RABGAP1L: variants seen among roughly 807,000 people sequenced by gnomAD.
RABGAP1L encodes the protein RAB GTPase activating protein 1 like, also known as rab GTPase-activating protein 1-like.
RABGAP1L carries 63 observed loss-of-function variants against 137.7 expected under a neutral mutation model. That is an observed-to-expected ratio of 0.46 (90% CI 0.37 to 0.56). The LOEUF (loss-of-function observed/expected upper bound fraction) is 0.56, where lower values mean the gene tolerates loss of function less well. Ranked by LOEUF, RABGAP1L falls within the 20% of genes least tolerant of loss-of-function variation. RABGAP1L has a pLI of 0.00. For synonymous variants in RABGAP1L, 431 were observed against 433.7 expected, an observed-to-expected ratio of 0.99 and a Z score of 0.08; for missense variants, 1,095 against 1,244.0, an observed-to-expected ratio of 0.88 and a Z score of 1.80.
rs974726764 is a variant in RABGAP1L at position 174,821,850 on chromosome 1, T to C, written c.2340+9890T>C. On this transcript the variant is annotated intron_variant, in intron 19 of 25. Transcript: ENST00000681986. ...CTTTTGATTAAAACACATCTTGTGTTCCTTTTCTATAAAGACCTCTATATG... is the reference window on the plus strand; with the variant it reads ...CTTTTGATTAAAACACATCTTGTGTCCCTTTTCTATAAAGACCTCTATATG... Among the ~76,000 whole-genome samples, 8 of 152,270 alleles carry C rather than the reference T, an allele frequency of 5.3e-5. No individual in the cohort carries two copies. In the South Asian group the frequency reaches 1.4e-3, roughly 28 times the overall value.
chr1:174,186,904 A>C (rs1666846665), intron 1 of RABGAP1L, among the ~76,000 whole-genome samples: 2 of 152,152 alleles, frequency 1.3e-5, no homozygotes, highest in African/African-American at 4.8e-5. Flanking sequence ...ATAATGCTTC[A>C]TTGTAGATTT....
intron 13 of RABGAP1L, among the ~76,000 whole-genome samples, chr1:174,590,098 C>T (rs1390657139): frequency 4.7e-5 from 6 of 126,732 alleles, no homozygotes; most frequent in Non-Finnish European, 1.0e-4. Flanking sequence ...GAATATCTTT[C>T]CATTTTTTGT....
chr1:174,597,455 T>C (rs1482045124), intron 13 of RABGAP1L, among the ~76,000 whole-genome samples: 1 of 152,180 alleles, frequency 6.6e-6, no homozygotes, highest in African/African-American at 2.4e-5. Flanking sequence ...GTTATATGTG[T>C]CTAGGAATTT....
At chr1:174,377,727 G>C (rs977982166) in intron 12 of RABGAP1L, among the ~76,000 whole-genome samples, 2 of 149,530 alleles carry the variant, frequency 1.3e-5, no homozygotes, top group Non-Finnish European at 3.0e-5. Flanking sequence ...AGAATGTGGA[G>C]ACATTGAAAG....
intron 1 of RABGAP1L, among the ~76,000 whole-genome samples, chr1:174,190,499 C>G: frequency 6.6e-6 from 1 of 152,160 alleles, no homozygotes; most frequent in East Asian, 1.9e-4. Flanking sequence ...TAGTTTCATA[C>G]TTTTCTTCTG....
At chr1:174,633,448 G>C (rs1017042334) in intron 13 of RABGAP1L, among the ~76,000 whole-genome samples, 2 of 151,314 alleles carry the variant, frequency 1.3e-5, no homozygotes, top group African/African-American at 4.9e-5. Context: ...CGTGAAAATG[G>C]CCATACTGCC....
At chr1:174,239,707 A>T (rs1471133912) in intron 4 of RABGAP1L, among the ~76,000 whole-genome samples, 1 of 152,186 alleles carries the variant, frequency 6.6e-6, no homozygotes, top group Non-Finnish European at 1.5e-5. Context: ...TTCAGTGGCT[A>T]GGGAAGTAAG....
rs548921287 is a variant in RABGAP1L, at chr1:174,185,963, G to T, written c.-34+26306G>T. Among the ~76,000 whole-genome samples the T allele has an allele frequency of 2.2e-4, 33 of 152,186 alleles. No homozygotes were observed. The South Asian group carries it at 2.7e-3, about 12-fold the overall frequency. On this transcript the variant is annotated intron_variant, in intron 1 of 25. Coordinates refer to ENST00000681986, the MANE Select transcript of RABGAP1L (RefSeq NM_001366446.1). ...GTTCGCGACCAGCCTGACCAACATG[G>T]AGAAACCCCGTCTTTACTAAAAATA... is the stretch of plus-strand genomic sequence containing the variant.
chr1:174,167,034 A>G (rs780657310), intron 1 of RABGAP1L, among the ~76,000 whole-genome samples: 4 of 152,210 alleles, frequency 2.6e-5, no homozygotes, highest in African/African-American at 7.2e-5. Flanking sequence ...TAAGCTCCTA[A>G]TATGTAAATG....
intron 13 of RABGAP1L, among the ~76,000 whole-genome samples, chr1:174,478,807 A>T (rs942714837): frequency 6.6e-6 from 1 of 152,152 alleles, no homozygotes; most frequent in African/African-American, 2.4e-5. Context: ...TGTCTTCTCA[A>T]TTGTATTCTG....
intron 14 of RABGAP1L, among the ~76,000 whole-genome samples, chr1:174,664,487 A>G (rs1676602112): frequency 6.6e-6 from 1 of 152,168 alleles, no homozygotes; most frequent in Non-Finnish European, 1.5e-5. Flanking sequence ...TAATTTTCAA[A>G]ATATTTTAAC....
At chr1:174,193,850 GATATAC>G (rs1426557888) in intron 1 of RABGAP1L, among the ~76,000 whole-genome samples, 9 of 152,132 alleles carry the variant, frequency 5.9e-5, no homozygotes, top group African/African-American at 9.7e-5. Flanking sequence ...ATGATATTTT[GATATAC>G]ATATACATAG....
chr1:174,354,234 G>A (rs949726572), intron 11 of RABGAP1L, among the ~76,000 whole-genome samples: 33 of 149,690 alleles, frequency 2.2e-4, no homozygotes, highest in Admixed American at 1.9e-3. Flanking sequence ...CCACCACTTT[G>A]CTTCTTTTTT....
intron 1 of RABGAP1L, among the ~76,000 whole-genome samples, chr1:174,218,073 ACATTACT>A (rs1183823863): frequency 6.6e-6 from 1 of 152,054 alleles, no homozygotes; most frequent in Non-Finnish European, 1.5e-5. Flanking sequence ...CCCCTCTATC[ACATTACT>A]CATTTGGTCA....
At chr1:174,837,942 T>C (rs1456133788) in intron 19 of RABGAP1L, among the ~76,000 whole-genome samples, 1 of 152,230 alleles carries the variant, frequency 6.6e-6, no homozygotes, top group Non-Finnish European at 1.5e-5. Context: ...TAATTTCTGC[T>C]AGGTATACTA....
intron 13 of RABGAP1L, among the ~76,000 whole-genome samples, chr1:174,495,315 A>G (rs760782917): frequency 6.6e-5 from 10 of 152,136 alleles, no homozygotes; most frequent in Non-Finnish European, 1.2e-4. Flanking sequence ...GGATTATTAA[A>G]ACAATATACT....
intron 11 of RABGAP1L, among the ~76,000 whole-genome samples, chr1:174,319,357 C>A (rs542684011): frequency 3.9e-5 from 6 of 152,146 alleles, no homozygotes; most frequent in African/African-American, 1.4e-4. Flanking sequence ...TGTAGAAAAG[C>A]AGTTGACGTC....
chr1:174,408,129 T>TCA (rs1428660220), intron 13 of RABGAP1L, among the ~76,000 whole-genome samples: 1 of 152,216 alleles, frequency 6.6e-6, no homozygotes, highest in African/African-American at 2.4e-5. Flanking sequence ...CTGAATGTAT[T>TCA]GCATGATGCT....
At chr1:174,619,133 G>C (rs113426275) in intron 13 of RABGAP1L, among the ~76,000 whole-genome samples, 31,890 of 152,136 alleles carry the variant, frequency 0.21, 3,682 homozygotes, top group Admixed American at 0.25. Flanking sequence ...AGAAATATGG[G>C]ACTATGTGAA....
Sources: allele counts gnomAD v4.1 joint callset (sites outside exome capture counted in the v4.1 genomes callset), GRCh38; gene constraint gnomAD v4.1.1; transcripts MANE v1.5; gene names NCBI Gene and HGNC (gene_info 2026-07-23, HGNC 2026-07-21).